PCDH15: variants seen among roughly 807,000 people sequenced by gnomAD.
PCDH15 encodes the protein protocadherin-15.
A neutral mutation model predicts 178.5 loss-of-function variants in PCDH15; 129 were observed. That is an observed-to-expected ratio of 0.72 (90% CI 0.63 to 0.84). The LOEUF (loss-of-function observed/expected upper bound fraction) is 0.84, where lower values mean the gene tolerates loss of function less well. Ranked by LOEUF, PCDH15 falls within the 40% of genes least tolerant of loss-of-function variation. The pLI is 0.00. For missense variants in PCDH15, 2,230 were observed against 2,099.9 expected (o/e 1.06, Z -1.21); for synonymous variants, 800 against 732.0 (o/e 1.09, Z -1.50).
At chr10:55,374,454 G>A (rs2131993240) in intron 2 of PCDH15, among the ~76,000 whole-genome samples, 1 of 152,170 alleles carries the variant, frequency 6.6e-6, no homozygotes, top group Admixed American at 6.5e-5. Flanking sequence ...CCATTACCAA[G>A]ATGCAGTGAG....
intron 32 of PCDH15, among the ~76,000 whole-genome samples, chr10:53,820,803 A>C (rs994605305): frequency 6.6e-6 from 1 of 152,014 alleles, no homozygotes; most frequent in African/African-American, 2.4e-5. Flanking sequence ...GAGCGCTAAG[A>C]ACTATTACTA....
chr10:54,399,084 A>G (rs900657990), intron 3 of PCDH15, among the ~76,000 whole-genome samples: 4 of 152,058 alleles, frequency 2.6e-5, no homozygotes, highest in African/African-American at 9.7e-5. Context: ...TTTTCTCAAC[A>G]ACTCTCTCTT....
chr10:53,825,270 C>CA (rs11331853), intron 32 of PCDH15: 100 of 1,052,830 alleles, frequency 9.5e-5, no homozygotes, highest in Middle Eastern at 3.5e-4. Context: ...GTACGTATAT[C>CA]AAAAAAAAGG....
chr10:55,492,659 C>G (rs931665125), intron 2 of PCDH15, among the ~76,000 whole-genome samples: 2 of 151,676 alleles, frequency 1.3e-5, no homozygotes, highest in African/African-American at 4.8e-5. Flanking sequence ...ATGATAATAA[C>G]AGCAACAAAA....
intron 2 of PCDH15, among the ~76,000 whole-genome samples, chr10:54,644,597 C>CA: frequency 6.6e-6 from 1 of 152,040 alleles, no homozygotes; most frequent in East Asian, 2.0e-4. Context: ...TTAGCAATTC[C>CA]ATCATTGGCC....
chr10:54,350,355 A>G (rs1943974799), intron 5 of PCDH15, among the ~76,000 whole-genome samples: 1 of 152,168 alleles, frequency 6.6e-6, no homozygotes, highest in African/African-American at 2.4e-5. Context: ...TTTAAGGCAA[A>G]TGTCTTAGCA....
intron 2 of PCDH15, among the ~76,000 whole-genome samples, chr10:55,533,682 C>G (rs886543995): frequency 2.0e-5 from 3 of 151,918 alleles, no homozygotes; most frequent in African/African-American, 7.2e-5. Context: ...AACACTATTT[C>G]TATTAAACTA....
intron 2 of PCDH15, among the ~76,000 whole-genome samples, chr10:55,092,888 C>T (rs191287064): frequency 6.6e-6 from 1 of 152,012 alleles, no homozygotes; most frequent in Admixed American, 6.6e-5. Flanking sequence ...TAAAAACATT[C>T]TCATATCTAA....
intron 1 of PCDH15, among the ~76,000 whole-genome samples, chr10:55,224,489 C>A (rs564997338): frequency 6.6e-6 from 1 of 152,148 alleles, no homozygotes; most frequent in Admixed American, 6.5e-5. Flanking sequence ...ATCCAGGCGA[C>A]CCTGCTCCTT....
intron 3 of PCDH15, among the ~76,000 whole-genome samples, chr10:54,434,682 C>T (rs2075265350): frequency 6.6e-6 from 1 of 152,172 alleles, no homozygotes; most frequent in Non-Finnish European, 1.5e-5. Flanking sequence ...TGCCTATCAT[C>T]AATCAAGGCA....
intron 1 of PCDH15, among the ~76,000 whole-genome samples, chr10:54,762,005 C>T (rs547525184): frequency 1.3e-5 from 2 of 151,962 alleles, no homozygotes; most frequent in African/African-American, 2.4e-5. Flanking sequence ...ACATAGAGTC[C>T]ATACCACTGA....
At chr10:54,899,885 T>C (rs1467740665) in intron 2 of PCDH15, among the ~76,000 whole-genome samples, 1 of 152,004 alleles carries the variant, frequency 6.6e-6, no homozygotes, top group Non-Finnish European at 1.5e-5. Flanking sequence ...TAGAAAATAA[T>C]TTTTAGAGTT....
chr10:54,150,511 T>C (rs990913042), intron 14 of PCDH15, among the ~76,000 whole-genome samples: 12 of 152,100 alleles, frequency 7.9e-5, no homozygotes, highest in South Asian at 2.1e-4. Context: ...TTTGCATACA[T>C]TTAAGCAAAG....
intron 2 of PCDH15, among the ~76,000 whole-genome samples, chr10:54,977,937 G>A (rs916449837): frequency 1.3e-5 from 2 of 152,078 alleles, no homozygotes; most frequent in African/African-American, 4.8e-5. Flanking sequence ...ATTATCAGAA[G>A]GACAATATTG....
At chr10:54,985,282 A>C (rs1289657011) in intron 2 of PCDH15, among the ~76,000 whole-genome samples, 1 of 152,160 alleles carries the variant, frequency 6.6e-6, no homozygotes, top group Non-Finnish European at 1.5e-5. Flanking sequence ...ATGGACTCTC[A>C]ATAAAAAGGG....
rs35648214 is a variant in PCDH15, at chr10:54,503,264, T to TGTGTGTGTGTGAGA, written c.157+24547_157+24548insTCTCACACACACAC. The stretch of plus-strand genomic sequence containing the variant: ...GTGTGTGTGTGTGTGTGTGTGTGTG[T>TGTGTGTGTGTGAGA]GATTATATATATTTATATATAATAT... On this transcript the variant is annotated intron_variant, in intron 3 of 37. Coordinates refer to ENST00000644397, the MANE Select transcript of PCDH15 (RefSeq NM_001384140.1). Among the ~76,000 whole-genome samples, 68 of 137,374 alleles carry TGTGTGTGTGTGAGA rather than the reference T, an allele frequency of 4.9e-4. No individual in the cohort carries two copies. In the East Asian group the frequency reaches 5.6e-3, roughly 11 times the overall value. The allele number at this position is 137,374 out of a possible 152,430, so 90.1% of individuals were successfully genotyped here.
At chr10:53,971,534 C>A (rs574536705) in intron 21 of PCDH15, among the ~76,000 whole-genome samples, 224 of 152,188 alleles carry the variant, frequency 1.5e-3, no homozygotes, top group Admixed American at 4.9e-3. Flanking sequence ...TATATTTAGA[C>A]AACCCCATCA....
chr10:54,931,981 TAC>T (rs1448366996), intron 2 of PCDH15, among the ~76,000 whole-genome samples: 1 of 152,198 alleles, frequency 6.6e-6, no homozygotes, highest in Middle Eastern at 3.2e-3. Context: ...AGACTGTACA[TAC>T]AGTCATATGC....
intron 3 of PCDH15, among the ~76,000 whole-genome samples, chr10:54,451,437 G>T (rs569309895): frequency 5.3e-5 from 8 of 151,906 alleles, no homozygotes; most frequent in Non-Finnish European, 1.0e-4. Flanking sequence ...TATGAATTCT[G>T]GTCAAATCAT....
Sources: allele counts gnomAD v4.1 joint callset (sites outside exome capture counted in the v4.1 genomes callset), GRCh38; gene constraint gnomAD v4.1.1; transcripts MANE v1.5; gene names NCBI Gene and HGNC (gene_info 2026-07-23, HGNC 2026-07-21).